The following LARP4 variants were observed in gnomAD, a reference collection of about 807,000 sequenced individuals.
The protein encoded by LARP4 is La ribonucleoprotein 4.
A neutral mutation model predicts 92.9 loss-of-function variants in LARP4; 29 were observed. The observed-to-expected ratio is 0.31, with a 90% CI of 0.23 to 0.43. LARP4 has a LOEUF of 0.43. LARP4 is among the 20% of genes least tolerant of loss of function. LARP4 has a pLI of 1.00. For synonymous variants in LARP4, 279 were observed against 284.1 expected (o/e 0.98, Z 0.18); for missense variants, 732 against 860.0 (o/e 0.85, Z 1.86).
chr12:50,478,187 T>G lies in LARP4; in HGVS notation c.*2323T>G, dbSNP rs1957662272. ...TATATTTTTGCTTTTACTTCAAATGTTATTTAAAGTAGAAATTTAATTTGT... is the reference window on the plus strand; with the variant it reads ...TATATTTTTGCTTTTACTTCAAATGGTATTTAAAGTAGAAATTTAATTTGT... On this transcript the variant is annotated 3_prime_UTR_variant, in exon 16 of 16. Coordinates refer to ENST00000398473, the MANE Select transcript of LARP4 (RefSeq NM_052879.5). 2 of 152,448 alleles carry G rather than the reference T, an allele frequency of 1.3e-5. No individual in the cohort carries two copies. Among genetic ancestry groups the G allele is most frequent in the South Asian group, 4.1e-4 (2 of 4,820 alleles). The allele number at this position is 152,448 out of a possible 1,614,324, so 9.4% of individuals were successfully genotyped here.
chr12:50,436,682 ATTTC>A (rs2137443854), intron 5 of LARP4, among the ~76,000 whole-genome samples: 1 of 152,282 alleles, frequency 6.6e-6, no homozygotes, highest in Non-Finnish European at 1.5e-5. Context: ...TTGTATCAGT[ATTTC>A]TTGGTAACCT....
chr12:50,434,804 G>A (rs1950180584), intron 4 of LARP4, among the ~76,000 whole-genome samples: 1 of 152,066 alleles, frequency 6.6e-6, no homozygotes, highest in Non-Finnish European at 1.5e-5. Context: ...CAGCACTTTG[G>A]GAGGCTGAGG....
intron 15 of LARP4, among the ~76,000 whole-genome samples, chr12:50,474,420 T>G (rs888889520): frequency 6.6e-6 from 1 of 152,108 alleles, no homozygotes; most frequent in Middle Eastern, 3.2e-3. Context: ...CGATCTCGCG[T>G]CACTGCAAGC....
chr12:50,474,032 T>C lies in LARP4; in HGVS notation c.1701T>C (p.Asp567=). Residue 567 remains aspartate, a synonymous_variant, in exon 15 of 16, where the codon GAT becomes GAC. Transcript: ENST00000398473. ...TTQQEKDLIE[D]SSVQKDGLNQ... Reference sequence around the variant, plus strand: ...AGCAAGAAAAGGATCTAATAGAAGATTCCTCTGTTCAGAAGGATGGTCTCA... The same window carrying C: ...AGCAAGAAAAGGATCTAATAGAAGACTCCTCTGTTCAGAAGGATGGTCTCA... 1 of 1,612,118 alleles carries C rather than the reference T, an allele frequency of 6.2e-7. No homozygotes were observed. Among genetic ancestry groups the C allele is most frequent in the Middle Eastern group, 2.2e-4 (1 of 4,540 alleles).
At chr12:50,404,681 GTTTTTTTTT>G (rs1162590362) in intron 1 of LARP4, among the ~76,000 whole-genome samples, 11 of 67,378 alleles carry the variant, frequency 1.6e-4, no homozygotes, top group African/African-American at 4.1e-4. Context: ...GGTTCAAGCA[GTTTTTTTTT>G]TTTTTTTTTT....
At chr12:50,428,878 C>G in intron 2 of LARP4, 57 bp from the exon 3 acceptor site, 1 of 1,365,034 alleles carries the variant, frequency 7.3e-7, no homozygotes, top group Non-Finnish European at 1.0e-6. Context: ...GCCCAGAGTT[C>G]CTGAGAATAG....
chr12:50,470,349 A>G (rs755425889), intron 13 of LARP4, among the ~76,000 whole-genome samples: 2 of 152,226 alleles, frequency 1.3e-5, no homozygotes, highest in Non-Finnish European at 2.9e-5. Context: ...TGGTACATAA[A>G]ATAATGGTGT....
intron 1 of LARP4, 104 bp downstream of exon 1, chr12:50,401,132 G>C: frequency 7.6e-7 from 1 of 1,322,850 alleles, no homozygotes; most frequent in Non-Finnish European, 1.1e-6. Flanking sequence ...ACACGCCGCG[G>C]AACCGGCAGA....
intron 14 of LARP4, 76 bp downstream of exon 14, chr12:50,473,612 T>C (rs1343341040): frequency 1.8e-5 from 27 of 1,492,316 alleles, no homozygotes; most frequent in Non-Finnish European, 2.3e-5. Context: ...TCACCTGTAA[T>C]CCCAGCACTT....
At chr12:50,432,040 G>A (rs903150314) in intron 4 of LARP4, among the ~76,000 whole-genome samples, 1 of 150,282 alleles carries the variant, frequency 6.7e-6, no homozygotes, top group African/African-American at 2.5e-5. Flanking sequence ...GGAGGCTGAG[G>A]CAGGAGAATT....
intron 13 of LARP4, among the ~76,000 whole-genome samples, chr12:50,468,705 C>T (rs1956506187): frequency 6.6e-6 from 1 of 152,184 alleles, no homozygotes; most frequent in Admixed American, 6.5e-5. Flanking sequence ...AACATACTCA[C>T]ACTTTTCCTA....
Position 50,473,408 on chromosome 12 carries a change from C to T in LARP4, c.1546-7C>T. 2 of 1,609,862 alleles carry T rather than the reference C, an allele frequency of 1.2e-6. No homozygotes were observed. Among genetic ancestry groups the T allele is most frequent in the Non-Finnish European group, 8.5e-7 (1 of 1,176,810 alleles). Reference sequence around the variant, plus strand: ...AGTGTAATTTTGAAAAATCTTTTTACTTTAAGGATAATGAAGAGTTGACAA... The same window carrying T: ...AGTGTAATTTTGAAAAATCTTTTTATTTTAAGGATAATGAAGAGTTGACAA... On this transcript the variant is annotated splice_region_variant and splice_polypyrimidine_tract_variant and intron_variant, in intron 13 of 15. Transcript: ENST00000398473.
chr12:50,423,751 A>ATT (rs35992539), intron 1 of LARP4, among the ~76,000 whole-genome samples: 7 of 130,698 alleles, frequency 5.4e-5, no homozygotes, highest in Admixed American at 7.8e-5. Flanking sequence ...CCGGCCTGTA[A>ATT]TTTTTTTTTT....
intron 10 of LARP4, among the ~76,000 whole-genome samples, chr12:50,458,839 G>GT (rs1454434521): frequency 3.3e-5 from 5 of 152,146 alleles, no homozygotes; most frequent in African/African-American, 1.2e-4. Flanking sequence ...AACTCCCTTT[G>GT]TTAAAAGCAG....
At chr12:50,465,132 G>T (rs1355474087) in intron 12 of LARP4, among the ~76,000 whole-genome samples, 2 of 151,846 alleles carry the variant, frequency 1.3e-5, no homozygotes, top group Non-Finnish European at 2.9e-5. Context: ...AGCACTTTGG[G>T]AGGCCCCGGT....
intron 12 of LARP4, among the ~76,000 whole-genome samples, chr12:50,464,559 T>C (rs559483352): frequency 6.6e-6 from 1 of 152,028 alleles, no homozygotes; most frequent in South Asian, 2.1e-4. Context: ...GTCTGGCTAA[T>C]TTTTTGTATT....
At chr12:50,402,894 C>G (rs1056999892) in intron 1 of LARP4, 3 of 425,054 alleles carry the variant, frequency 7.1e-6, no homozygotes, top group African/African-American at 6.2e-5. Context: ...TTGTGAGTCA[C>G]TATGTCATTC....
chr12:50,457,473 C>T (rs985218182), intron 10 of LARP4, among the ~76,000 whole-genome samples: 1 of 152,118 alleles, frequency 6.6e-6, no homozygotes, highest in African/African-American at 2.4e-5. Flanking sequence ...TCCCAGAGTG[C>T]TGGCATTATA....
At chr12:50,462,552 AC>A (rs753264379) in intron 11 of LARP4, 29 bp from the exon 12 acceptor site, 5 of 652,508 alleles carry the variant, frequency 7.7e-6, no homozygotes. Flanking sequence ...CCTCCACCCC[AC>A]CCCACCCCCA....
Sources: allele counts gnomAD v4.1 joint callset (sites outside exome capture counted in the v4.1 genomes callset), GRCh38; gene constraint gnomAD v4.1.1; transcripts MANE v1.5; gene names NCBI Gene and HGNC (gene_info 2026-07-23, HGNC 2026-07-21).